ABCC11: variants seen among roughly 807,000 people sequenced by gnomAD.
ABCC11 encodes ATP binding cassette subfamily C member 11, also known as ATP-binding cassette sub-family C member 11.
Under a neutral mutation model 149.3 loss-of-function variants are expected in ABCC11, and 135 were observed. That is an observed-to-expected ratio of 0.90 (90% CI 0.79 to 1.04). The LOEUF (loss-of-function observed/expected upper bound fraction) is 1.04. ABCC11 is among the 50% of genes least tolerant of loss of function. The pLI is 0.00. For missense variants in ABCC11, 1,680 were observed against 1,722.1 expected (o/e 0.98, Z 0.43); for synonymous variants, 665 against 671.4 (o/e 0.99, Z 0.15).
At chr16:48,185,706 G>A (rs1383752427) in intron 22 of ABCC11, among the ~76,000 whole-genome samples, 3 of 152,074 alleles carry the variant, frequency 2.0e-5, no homozygotes, top group African/African-American at 4.8e-5. Context: ...GACTCACTCT[G>A]TCCATACCCT....
Position 48,205,525 on chromosome 16 carries a change from C to T in ABCC11, c.1693G>A (p.Glu565Lys), listed in dbSNP as rs750505727. Residue 565 changes from glutamate to lysine, a missense_variant, in exon 13 of 30, where the codon GAG (glutamate) becomes AAG (lysine). Physicochemically the swap from Glu to Lys is moderately conservative, Grantham distance 56. Coordinates refer to ENST00000356608, the MANE Select transcript of ABCC11 (RefSeq NM_001370497.1). Reference sequence around the variant, plus strand: ...CTTCCCTGCACCCCCACCGAGCCCTCGAGCAAGTGCATCTGCGGCAGAATG... The same window carrying T: ...CTTCCCTGCACCCCCACCGAGCCCTTGAGCAAGTGCATCTGCGGCAGAATG... ...SAILEEMHLLEGSVGVQGSLA... is the reference protein window; with the variant it reads ...SAILEEMHLLKGSVGVQGSLA... 79 of 1,613,706 alleles carry T rather than the reference C, an allele frequency of 4.9e-5. No individual in the cohort carries two copies. The highest frequency in any genetic ancestry group is 6.3e-5 in the Non-Finnish European group (74 of 1,179,908).
intron 20 of ABCC11, among the ~76,000 whole-genome samples, chr16:48,189,875 A>G (rs1237875686): frequency 6.6e-6 from 1 of 152,186 alleles, no homozygotes; most frequent in Non-Finnish European, 1.5e-5. Flanking sequence ...TTCAGTCTAC[A>G]AGGAACGATG....
At chr16:48,226,612 G>C (rs565140055) in intron 4 of ABCC11, among the ~76,000 whole-genome samples, 1 of 152,304 alleles carries the variant, frequency 6.6e-6, no homozygotes, top group East Asian at 1.9e-4. Flanking sequence ...ACAGGGCCCA[G>C]AAAGGGAAAC....
chr16:48,192,754 C>T (rs780433946), intron 19 of ABCC11, 37 bp from the exon 20 acceptor site: 29 of 1,602,200 alleles, frequency 1.8e-5, no homozygotes, highest in Middle Eastern at 3.4e-4. Flanking sequence ...TGCAGGTGTC[C>T]GGGGGAAATT....
At chr16:48,231,975 G>C (rs1443330997) in intron 1 of ABCC11, 36 bp from the exon 2 acceptor site, 30 of 1,612,076 alleles carry the variant, frequency 1.9e-5, no homozygotes, top group Non-Finnish European at 2.5e-5. Flanking sequence ...TGAAAAGACA[G>C]CAGGAGTTAG....
intron 3 of ABCC11, among the ~76,000 whole-genome samples, chr16:48,228,501 C>T (rs1277321281): frequency 2.0e-5 from 3 of 151,972 alleles, no homozygotes; most frequent in East Asian, 3.9e-4. Context: ...GAGGCTGAGG[C>T]GTGAGAATCG....
chr16:48,232,078 C>A (rs750932613), intron 1 of ABCC11, 139 bp from the exon 2 acceptor site: 1 of 1,439,430 alleles, frequency 6.9e-7, no homozygotes, highest in East Asian at 2.5e-5. Context: ...GGTGCCTGCT[C>A]TTTCCTCTCC....
At chr16:48,245,549 C>T (rs1017611337) in intron 1 of ABCC11, among the ~76,000 whole-genome samples, 8 of 152,164 alleles carry the variant, frequency 5.3e-5, no homozygotes, top group Admixed American at 2.6e-4. Context: ...TGCCAGTTGT[C>T]CTGGTTTGCT....
chr16:48,225,213 A>AAAAAT (rs755581438), intron 4 of ABCC11, among the ~76,000 whole-genome samples: 2 of 152,312 alleles, frequency 1.3e-5, no homozygotes, highest in Non-Finnish European at 1.5e-5. Flanking sequence ...ACTCTGTCAA[A>AAAAAT]AAAATAAAAT....
At chr16:48,222,458 A>C (rs1969805971) in intron 6 of ABCC11, 140 bp downstream of exon 6, 1 of 711,446 alleles carries the variant, frequency 1.4e-6, no homozygotes, top group African/African-American at 1.8e-5. Context: ...GGTTATCCAC[A>C]CTCAACCTAG....
intron 20 of ABCC11, among the ~76,000 whole-genome samples, chr16:48,187,890 C>T (rs575110747): frequency 2.4e-4 from 37 of 152,180 alleles, no homozygotes; most frequent in African/African-American, 7.2e-4. Context: ...AGGGTTTGAA[C>T]GCCAGACCAA....
chr16:48,218,759 A>G (rs1011510365), intron 6 of ABCC11, among the ~76,000 whole-genome samples: 4 of 152,208 alleles, frequency 2.6e-5, no homozygotes, highest in Non-Finnish European at 5.9e-5. Flanking sequence ...CCACCATGTA[A>G]GATGTGCCTT....
At chr16:48,236,399 G>A (rs1177913707) in intron 1 of ABCC11, among the ~76,000 whole-genome samples, 1 of 152,124 alleles carries the variant, frequency 6.6e-6, no homozygotes, top group African/African-American at 2.4e-5. Flanking sequence ...ACCACCTTCT[G>A]CATATTTTCC....
rs2150728625 is a variant in ABCC11, at chr16:48,175,327, C to T, written c.3629G>A (p.Gly1210Asp). ...GAGCTTGGACCGCAAGTCCTCCAGG[C>T]CGATGCTGCAAATGTCCACGCCGTC... ...LIDGVDICSI[G>D]LEDLRSKLSV... Residue 1210 changes from glycine to aspartate, a missense_variant, in exon 26 of 30, where the codon GGC becomes GAC. By Grantham distance (94) the Gly-to-Asp change is moderately conservative (BLOSUM62 -1). Transcript: ENST00000356608. 3 of 1,614,170 alleles carry T rather than the reference C, an allele frequency of 1.9e-6. No homozygotes were observed. Among genetic ancestry groups the T allele is most frequent in the Non-Finnish European group, 2.5e-6 (3 of 1,180,004 alleles).
At chr16:48,244,244 G>A (rs576102884) in intron 1 of ABCC11, 3 of 594,136 alleles carry the variant, frequency 5.0e-6, no homozygotes, top group East Asian at 3.3e-5. Flanking sequence ...CGAAGCCATG[G>A]CTTTTGGGCC....
intron 23 of ABCC11, among the ~76,000 whole-genome samples, chr16:48,180,572 C>T (rs1966365562): frequency 6.6e-6 from 1 of 152,148 alleles, no homozygotes; most frequent in African/African-American, 2.4e-5. Flanking sequence ...CTGGCATTTA[C>T]TGAGAAGCCT....
At chr16:48,221,737 G>T (rs908166074) in intron 6 of ABCC11, among the ~76,000 whole-genome samples, 3 of 150,052 alleles carry the variant, frequency 2.0e-5, no homozygotes, top group African/African-American at 7.3e-5. Flanking sequence ...AACTATTTGG[G>T]GTGTGTGTGT....
In ABCC11 at chr16:48,224,325, G is replaced by A. The variant is rs2150901160; in HGVS notation, c.500C>T (p.Ala167Val). 2 of 1,614,198 alleles carry A rather than the reference G, an allele frequency of 1.2e-6. No individual in the cohort carries two copies. The highest frequency in any genetic ancestry group is 8.5e-7 in the Non-Finnish European group (1 of 1,180,034). Reference protein sequence around the residue: ...RFQRTRLIFDALLGICFCIAS... With the variant: ...RFQRTRLIFDVLLGICFCIAS... ...AATGCAGAAGCAGATGCCCAGAAGT[G>A]CATCGAAAATCAACCTTGTTCTCTG... Residue 167 changes from alanine to valine, a missense_variant, in exon 5 of 30, where the codon GCA (alanine) becomes GTA (valine). Coordinates refer to ENST00000356608, the MANE Select transcript of ABCC11 (RefSeq NM_001370497.1).
chr16:48,244,253 C>CCCGGGGACGGACCGTAGCGCGTAG, intron 1 of ABCC11: 1 of 625,048 alleles, frequency 1.6e-6, no homozygotes, highest in Admixed American at 3.8e-5. Context: ...GGCTTTTGGG[C>CCCGGGGACGGACCGTAGCGCGTAG]CCGGGGACGG....
Sources: gnomAD v4.1 joint callset for allele counts (sites outside exome capture counted in the v4.1 genomes callset) on GRCh38, gnomAD v4.1.1 for gene constraint, MANE v1.5 for transcripts, NCBI Gene and HGNC (gene_info 2026-07-23, HGNC 2026-07-21) for gene names.